Variants in TMEM178A observed in about 807,000 individuals in gnomAD.
TMEM178A encodes the protein transmembrane protein 178.
A neutral mutation model predicts 29.1 loss-of-function variants in TMEM178A; 12 were observed. The observed-to-expected ratio is 0.41, with a 90% CI of 0.26 to 0.67. The LOEUF is 0.67. TMEM178A is among the 30% of genes least tolerant of loss of function. TMEM178A has a pLI of 0.29. For synonymous variants in TMEM178A, 210 were observed against 187.2 expected (o/e 1.12, Z -0.99); for missense variants, 366 against 419.1 (o/e 0.87, Z 1.11).
intron 3 of TMEM178A, among the ~76,000 whole-genome samples, chr2:39,710,328 G>A (rs901825566): frequency 1.3e-5 from 2 of 152,158 alleles, no homozygotes; most frequent in African/African-American, 4.8e-5. Flanking sequence ...CCCAAACAAC[G>A]TTATTGAAAT....
At position 39,666,375 on chromosome 2, in the gene TMEM178A, GT is replaced by G; in HGVS notation, c.400+2del. On this transcript the variant is annotated splice_donor_variant, in intron 1 of 3. Coordinates refer to ENST00000281961, the MANE Select transcript of TMEM178A (RefSeq NM_152390.3). LOFTEE classifies it high-confidence loss of function. ...GACATCGACACCCTCATCCTGAAAG[GT>G]GAGCGGCGGGCGCACCCCGCGTCCC... is the stretch of plus-strand genomic sequence containing the variant. 7.3e-7 allele frequency: 1 copy of G among 1,375,446 alleles called. No individual in the cohort carries two copies. The highest frequency in any genetic ancestry group is 9.4e-7 in the Non-Finnish European group (1 of 1,059,046). 85.2% of individuals were successfully genotyped at this position (1,375,446 alleles called of 1,614,324 possible).
intron 3 of TMEM178A, among the ~76,000 whole-genome samples, chr2:39,715,889 G>C (rs1672513758): frequency 6.6e-6 from 1 of 152,166 alleles, no homozygotes; most frequent in South Asian, 2.1e-4. Context: ...AAAAAGGGTG[G>C]TGGGTAGAGG....
intron 3 of TMEM178A, among the ~76,000 whole-genome samples, chr2:39,708,408 G>GTTT: frequency 9.2e-6 from 1 of 108,512 alleles, no homozygotes; most frequent in Non-Finnish European, 1.9e-5. Flanking sequence ...GGAGTGACTT[G>GTTT]ATTTTTTTTT....
chr2:39,669,683 T>C (rs1670329394), intron 1 of TMEM178A, among the ~76,000 whole-genome samples: 1 of 152,250 alleles, frequency 6.6e-6, no homozygotes, highest in African/African-American at 2.4e-5. Flanking sequence ...TTTGCTATTC[T>C]ACCAGACTGA....
At chr2:39,671,499 G>A (rs897029508) in intron 1 of TMEM178A, among the ~76,000 whole-genome samples, 1 of 152,144 alleles carries the variant, frequency 6.6e-6, no homozygotes, top group Non-Finnish European at 1.5e-5. Context: ...GATGCTGCTG[G>A]TAAAAGGGAT....
Position 39,666,020 on chromosome 2 carries a change from C to T in TMEM178A, c.46C>T (p.Leu16=). ...CACGGCGCTCAGCCTCGGCCTCAGCCTGTGCTCCCTGGGGCTGCTCGTCAC... is the reference window on the plus strand; with the variant it reads ...CACGGCGCTCAGCCTCGGCCTCAGCTTGTGCTCCCTGGGGCTGCTCGTCAC... ...LVTALSLGLS[L]CSLGLLVTAI... is the part of the protein sequence containing the mutation. Residue 16 remains leucine (L), a synonymous_variant, in exon 1 of 4, where the codon CTG becomes TTG. Transcript: ENST00000281961. 2 of 1,539,552 alleles carry T rather than the reference C, an allele frequency of 1.3e-6. No homozygotes were observed. Among genetic ancestry groups the T allele is most frequent in the Non-Finnish European group, 1.7e-6 (2 of 1,146,500 alleles).
chr2:39,684,312 C>T (rs1017723751), intron 1 of TMEM178A, among the ~76,000 whole-genome samples: 1 of 151,926 alleles, frequency 6.6e-6, no homozygotes, highest in African/African-American at 2.4e-5. Context: ...TTCATATATA[C>T]ATGCTTATTG....
chr2:39,724,281 C>CA, the TMEM178A span, among the ~76,000 whole-genome samples: 371 of 137,878 alleles, frequency 2.7e-3, no homozygotes, highest in South Asian at 0.01. Context: ...GTAATTATTT[C>CA]AAAAAAAAAA....
At chr2:39,729,033 G>T in the TMEM178A span, among the ~76,000 whole-genome samples, 2 of 152,128 alleles carry the variant, frequency 1.3e-5, no homozygotes, top group South Asian at 4.2e-4. Flanking sequence ...GTGGCACAGC[G>T]CCCCCAGCTG....
the TMEM178A span, among the ~76,000 whole-genome samples, chr2:39,727,804 C>A: frequency 4.8e-5 from 7 of 145,974 alleles, no homozygotes; most frequent in African/African-American, 1.8e-4. Flanking sequence ...TCTCTGAGAA[C>A]ATGAGGTGTT....
intron 1 of TMEM178A, among the ~76,000 whole-genome samples, chr2:39,666,777 C>T (rs1043388389): frequency 6.6e-6 from 1 of 152,226 alleles, no homozygotes; most frequent in Non-Finnish European, 1.5e-5. Context: ...AAAGACTCGA[C>T]TTTTCTCACC....
intron 1 of TMEM178A, among the ~76,000 whole-genome samples, chr2:39,695,317 C>G (rs140022212): frequency 1.3e-5 from 2 of 151,958 alleles, no homozygotes; most frequent in Non-Finnish European, 2.9e-5. Context: ...CTGCTATTGC[C>G]ATCAACTGTT....
intron 1 of TMEM178A, among the ~76,000 whole-genome samples, chr2:39,670,418 C>G (rs1670363694): frequency 6.6e-6 from 1 of 152,154 alleles, no homozygotes; most frequent in African/African-American, 2.4e-5. Flanking sequence ...GAGTTTATTT[C>G]AAGTAGTGGA....
intron 1 of TMEM178A, among the ~76,000 whole-genome samples, chr2:39,689,925 T>G (rs1231074594): frequency 6.6e-6 from 1 of 152,212 alleles, no homozygotes; most frequent in African/African-American, 2.4e-5. Context: ...CTGTGTCACA[T>G]CTCTGTCGAG....
chr2:39,675,817 T>C (rs1336896711), intron 1 of TMEM178A, among the ~76,000 whole-genome samples: 1 of 152,202 alleles, frequency 6.6e-6, no homozygotes, highest in East Asian at 1.9e-4. Flanking sequence ...TTTCATTCTG[T>C]TGTCCAGACT....
Position 39,707,040 on chromosome 2 carries a change from T to C in TMEM178A, c.515-9T>C. 6.3e-7 allele frequency: 1 copy of C among 1,596,606 alleles called. No homozygotes were observed. The highest frequency in any genetic ancestry group is 1.3e-5 in the African/African-American group (1 of 74,202). On this transcript the variant is annotated splice_polypyrimidine_tract_variant and intron_variant, in intron 2 of 3. Transcript: ENST00000281961. The stretch of plus-strand genomic sequence containing the variant: ...TGATTGTGAATGTCTGTGTCTGTTT[T>C]GAGATTAGATTTAAGAAGAATCACT...
intron 1 of TMEM178A, among the ~76,000 whole-genome samples, chr2:39,689,031 A>G (rs2148076200): frequency 6.6e-6 from 1 of 152,328 alleles, no homozygotes; most frequent in Middle Eastern, 3.4e-3. Flanking sequence ...AATTAGCTGT[A>G]CCAAATGCCA....
At chr2:39,665,796 G>A, upstream of TMEM178A, 1 of 500,906 alleles carries the variant, frequency 2.0e-6, no homozygotes, top group Admixed American at 4.7e-5. Flanking sequence ...TGGGAGGCGA[G>A]ATCAGGCCAG....
chr2:39,669,114 G>T (rs1205981224), intron 1 of TMEM178A, among the ~76,000 whole-genome samples: 1 of 152,120 alleles, frequency 6.6e-6, no homozygotes, highest in African/African-American at 2.4e-5. Flanking sequence ...TTTAATGGTA[G>T]GAAATGAAAA....
Sources: allele counts gnomAD v4.1 joint callset (sites outside exome capture counted in the v4.1 genomes callset), GRCh38; gene constraint gnomAD v4.1.1; transcripts MANE v1.5; gene names NCBI Gene and HGNC (gene_info 2026-07-23, HGNC 2026-07-21).